Variants in RBFOX1 observed in about 807,000 individuals in gnomAD.
The protein encoded by RBFOX1 is RNA binding protein fox-1 homolog 1.
RBFOX1 carries 8 observed loss-of-function variants against 57.7 expected under a neutral mutation model. The observed-to-expected ratio is 0.14, with a 90% CI of 0.08 to 0.25. RBFOX1 has a LOEUF of 0.25. Among genes scored for constraint, RBFOX1 ranks in the 10% least tolerant of loss-of-function variants. The probability of loss-of-function intolerance (pLI) is 1.00; values close to 1 mark genes in which losing one functional copy is unlikely to be tolerated. For synonymous variants in RBFOX1, 326 were observed against 222.4 expected, an observed-to-expected ratio of 1.47 and a Z score of -4.15; for missense variants, 611 against 548.5, an observed-to-expected ratio of 1.11 and a Z score of -1.14.
chr16:6,404,321 G>T (rs965570687), intron 2 of RBFOX1, among the ~76,000 whole-genome samples: 2 of 152,122 alleles, frequency 1.3e-5, no homozygotes, highest in African/African-American at 2.4e-5. Flanking sequence ...GCCATTTGCT[G>T]TCAGGGACTT....
At chr16:5,391,764 AAAG>A (rs946528017) in intron 1 of RBFOX1, among the ~76,000 whole-genome samples, 24 of 151,936 alleles carry the variant, frequency 1.6e-4, no homozygotes, top group African/African-American at 5.5e-4. Context: ...TCCTTTCTTA[AAAG>A]AAGGACACAT....
chr16:6,473,426 C>T (rs766419627), intron 2 of RBFOX1, among the ~76,000 whole-genome samples: 1 of 152,028 alleles, frequency 6.6e-6, no homozygotes, highest in Non-Finnish European at 1.5e-5. Context: ...ACTGACTCAC[C>T]CCCATTTCAT....
rs568096321 is a variant in RBFOX1, at chr16:5,519,003, A to G, written c.258+51749A>G. ...CTCATCCATCCTGACTGCTGCTGTTATAAGAAGAGGAGATGAGAACACGAA... is the reference window on the plus strand; with the variant it reads ...CTCATCCATCCTGACTGCTGCTGTTGTAAGAAGAGGAGATGAGAACACGAA... On this transcript the variant is annotated intron_variant, in intron 2 of 2. Transcript: ENST00000585867. Among the ~76,000 whole-genome samples, 27 of 152,320 alleles carry G rather than the reference A, an allele frequency of 1.8e-4. No individual in the cohort carries two copies. In the South Asian group the frequency reaches 5.4e-3, roughly 30 times the overall value.
rs191971935 is a variant in RBFOX1 at position 7,386,510 on chromosome 16, A to G, written c.28-131637A>G. Among the ~76,000 whole-genome samples, 5 of 152,190 alleles carry G rather than the reference A, an allele frequency of 3.3e-5. No individual in the cohort carries two copies. In the East Asian group the frequency reaches 5.8e-4, roughly 18 times the overall value. On this transcript the variant is annotated intron_variant, in intron 4 of 15. Transcript: ENST00000550418. ...CTGTTCTTGTGTTAGTTTGATGAGA[A>G]TGATGGTTTCCACCTTCATCCATGT...
At chr16:5,500,304 C>T (rs1466099599) in intron 2 of RBFOX1, among the ~76,000 whole-genome samples, 1 of 151,694 alleles carries the variant, frequency 6.6e-6, no homozygotes, top group Non-Finnish European at 1.5e-5. Context: ...CTCACTGCAG[C>T]CTCAACCTGC....
At chr16:6,747,476 T>C (rs13338973) in intron 3 of RBFOX1, among the ~76,000 whole-genome samples, 16,985 of 137,034 alleles carry the variant, frequency 0.12, 1,306 homozygotes, top group Non-Finnish European at 0.18. Context: ...GTCTGTCTGT[T>C]TATCTATCTG....
intron 4 of RBFOX1, among the ~76,000 whole-genome samples, chr16:7,217,653 GTTTA>G (rs2092318502): frequency 1.3e-5 from 2 of 152,072 alleles, no homozygotes; most frequent in African/African-American, 2.4e-5. Flanking sequence ...AAATGTCAGT[GTTTA>G]TTTGTTTTTA....
intron 3 of RBFOX1, among the ~76,000 whole-genome samples, chr16:5,758,963 G>T (rs2053493540): frequency 6.6e-6 from 1 of 152,204 alleles, no homozygotes; most frequent in Non-Finnish European, 1.5e-5. Flanking sequence ...GAGGGGCAGT[G>T]TGATACATTG....
intron 3 of RBFOX1, among the ~76,000 whole-genome samples, chr16:6,942,545 G>C (rs1358126068): frequency 6.6e-6 from 1 of 152,100 alleles, no homozygotes; most frequent in Admixed American, 6.5e-5. Context: ...GCATTTTCCT[G>C]TGGAAGCATC....
At chr16:5,747,787 T>C (rs1023450114) in intron 3 of RBFOX1, among the ~76,000 whole-genome samples, 1 of 152,214 alleles carries the variant, frequency 6.6e-6, no homozygotes, top group African/African-American at 2.4e-5. Context: ...TTAGTCTTGC[T>C]AGTGGTCTAT....
At chr16:5,380,414 A>C (rs1031510128) in intron 1 of RBFOX1, among the ~76,000 whole-genome samples, 1 of 152,214 alleles carries the variant, frequency 6.6e-6, no homozygotes, top group African/African-American at 2.4e-5. Context: ...GCTGAACTCT[A>C]AAGCAAGCAA....
intron 3 of RBFOX1, among the ~76,000 whole-genome samples, chr16:6,852,720 G>GCGGGC: frequency 6.6e-6 from 1 of 151,648 alleles, no homozygotes; most frequent in Admixed American, 6.6e-5. Flanking sequence ...CCAGCGAGGC[G>GCGGGC]TGGGCTGGGA....
intron 2 of RBFOX1, among the ~76,000 whole-genome samples, chr16:6,410,409 T>G (rs1448769296): frequency 3.3e-5 from 5 of 151,046 alleles, no homozygotes; most frequent in Non-Finnish European, 5.9e-5. Context: ...CCTTCTGGGT[T>G]CAGGCCATTC....
chr16:6,759,700 C>A (rs893549635), intron 3 of RBFOX1, among the ~76,000 whole-genome samples: 2 of 152,004 alleles, frequency 1.3e-5, no homozygotes, highest in African/African-American at 2.4e-5. Context: ...TTAATAATAG[C>A]CTTTAATAGA....
Position 5,642,841 on chromosome 16 carries a change from G to A in RBFOX1, c.318+43880G>A, listed in dbSNP as rs1247172781. On this transcript the variant is annotated intron_variant, in intron 3 of 19. Coordinates refer to the RBFOX1 transcript ENST00000641259. The stretch of plus-strand genomic sequence containing the variant: ...TTACAGACATAATACTAGAGGCAAG[G>A]TGCTGCCTGATGACTCTGTGGCCCC... Among the ~76,000 whole-genome samples, 6 of 152,224 alleles carry A rather than the reference G, an allele frequency of 3.9e-5. 2 individuals carry two copies. The South Asian group carries it at 1.2e-3, about 32-fold the overall frequency.
At chr16:7,691,480 AGAGGAAGAAAG>A (rs1270506980) in intron 14 of RBFOX1, among the ~76,000 whole-genome samples, 1 of 152,012 alleles carries the variant, frequency 6.6e-6, no homozygotes, top group African/African-American at 2.4e-5. Flanking sequence ...GGAGAGGAAA[AGAGGAAGAAAG>A]GAGGAAGGAA....
intron 2 of RBFOX1, among the ~76,000 whole-genome samples, chr16:6,339,821 C>G (rs923378585): frequency 2.0e-5 from 3 of 151,914 alleles, no homozygotes; most frequent in African/African-American, 2.4e-5. Flanking sequence ...CAGGTGCCTG[C>G]CACCATGCCC....
At chr16:7,482,074 C>T (rs2064098025) in intron 4 of RBFOX1, among the ~76,000 whole-genome samples, 2 of 152,222 alleles carry the variant, frequency 1.3e-5, no homozygotes, top group South Asian at 4.1e-4. Flanking sequence ...GTGCAGCGTC[C>T]ACACCTAGCA....
intron 4 of RBFOX1, among the ~76,000 whole-genome samples, chr16:7,321,348 G>T (rs1021508278): frequency 3.9e-4 from 59 of 151,928 alleles, no homozygotes; most frequent in African/African-American, 1.4e-3. Context: ...CTTTCACCAT[G>T]TTGGTCAGGC....
Sources: gnomAD v4.1 joint callset for allele counts (sites outside exome capture counted in the v4.1 genomes callset) on GRCh38, gnomAD v4.1.1 for gene constraint, MANE v1.5 for transcripts, NCBI Gene and HGNC (gene_info 2026-07-23, HGNC 2026-07-21) for gene names.